CNTNAP2: variants seen among roughly 807,000 people sequenced by gnomAD.
CNTNAP2 encodes contactin-associated protein-like 2.
CNTNAP2 carries 98 observed loss-of-function variants against 155.2 expected under a neutral mutation model. That is an observed-to-expected ratio of 0.63 (90% confidence interval 0.54 to 0.75). The LOEUF (loss-of-function observed/expected upper bound fraction) is 0.75, where lower values mean the gene tolerates loss of function less well. Among genes scored for constraint, CNTNAP2 ranks in the 30% least tolerant of loss-of-function variants. CNTNAP2 has a pLI of 0.00. For synonymous variants in CNTNAP2, 651 were observed against 631.2 expected, an observed-to-expected ratio of 1.03 and a Z score of -0.47; for missense variants, 1,727 against 1,688.1, an observed-to-expected ratio of 1.02 and a Z score of -0.40.
At chr7:147,828,104 A>G (rs997164312) in intron 13 of CNTNAP2, among the ~76,000 whole-genome samples, 1 of 152,180 alleles carries the variant, frequency 6.6e-6, no homozygotes, top group African/African-American at 2.4e-5. Context: ...AAGGGGGAAG[A>G]AATGGGTGAA....
chr7:147,395,493 G>T lies in CNTNAP2; in HGVS notation c.1499-116G>T, dbSNP rs553017899. 2.2e-4 allele frequency: 221 copies of T among 1,010,240 alleles called. 1 individual carries two copies. The South Asian group carries it at 2.3e-3, about 11-fold the overall frequency. The allele number at this position is 1,010,240 out of a possible 1,614,324, so 62.6% of individuals were successfully genotyped here. ...CTACACTGAATATAACATCAGCAAG[G>T]ATTAAAGAAACAGTAGTTGGATGTG... On this transcript the variant is annotated intron_variant, in intron 9 of 23. Coordinates refer to ENST00000361727, the MANE Select transcript of CNTNAP2 (RefSeq NM_014141.6).
At chr7:147,016,008 T>A (rs540968438) in intron 3 of CNTNAP2, among the ~76,000 whole-genome samples, 2 of 152,148 alleles carry the variant, frequency 1.3e-5, no homozygotes, top group Non-Finnish European at 2.9e-5. Flanking sequence ...CTGCTTTAAC[T>A]GAGTACTTTA....
intron 1 of CNTNAP2, among the ~76,000 whole-genome samples, chr7:146,263,921 T>C (rs1006691781): frequency 6.6e-6 from 1 of 152,266 alleles, no homozygotes; most frequent in Non-Finnish European, 1.5e-5. Flanking sequence ...AATTTACTTA[T>C]AGAGAAAGTG....
At chr7:148,009,623 T>G (rs893854256) in intron 15 of CNTNAP2, among the ~76,000 whole-genome samples, 1 of 152,110 alleles carries the variant, frequency 6.6e-6, no homozygotes, top group Non-Finnish European at 1.5e-5. Context: ...AAGGACTGCC[T>G]CTTTGTGTGT....
intron 1 of CNTNAP2, among the ~76,000 whole-genome samples, chr7:146,459,308 A>C (rs567680419): frequency 6.6e-6 from 1 of 152,010 alleles, no homozygotes; most frequent in South Asian, 2.1e-4. Context: ...GCATTTTAAG[A>C]ATACGAATTT....
At chr7:147,582,602 G>A (rs1800524513) in intron 12 of CNTNAP2, among the ~76,000 whole-genome samples, 1 of 152,066 alleles carries the variant, frequency 6.6e-6, no homozygotes, top group Non-Finnish European at 1.5e-5. Flanking sequence ...CAGATATTTA[G>A]TAGTAAAGAA....
chr7:146,661,859 T>C (rs1800095736), intron 1 of CNTNAP2, among the ~76,000 whole-genome samples: 1 of 152,146 alleles, frequency 6.6e-6, no homozygotes. Context: ...ATGTTCATTT[T>C]TGTATGTTTA....
At chr7:148,134,261 A>AT (rs1445922449) in intron 16 of CNTNAP2, among the ~76,000 whole-genome samples, 3 of 152,236 alleles carry the variant, frequency 2.0e-5, no homozygotes, top group Non-Finnish European at 4.4e-5. Flanking sequence ...GATATTTAGT[A>AT]TTCTACAGAG....
chr7:146,541,816 C>A (rs560892979), intron 1 of CNTNAP2, among the ~76,000 whole-genome samples: 2 of 152,022 alleles, frequency 1.3e-5, no homozygotes, highest in Admixed American at 6.6e-5. Context: ...TGCAAGTAAC[C>A]TTTTCACCAG....
At chr7:146,833,801 G>A (rs1419239494) in intron 2 of CNTNAP2, among the ~76,000 whole-genome samples, 3 of 152,092 alleles carry the variant, frequency 2.0e-5, no homozygotes, top group East Asian at 1.9e-4. Flanking sequence ...CCCCAGATCC[G>A]GACTCTGTCT....
chr7:147,272,599 C>T (rs1018797397), intron 8 of CNTNAP2, among the ~76,000 whole-genome samples: 11 of 151,874 alleles, frequency 7.2e-5, no homozygotes, highest in African/African-American at 1.2e-4. Flanking sequence ...CCCGGGTTCA[C>T]GCCATTCTCC....
intron 1 of CNTNAP2, among the ~76,000 whole-genome samples, chr7:146,414,554 T>C (rs1795910315): frequency 6.6e-6 from 1 of 152,170 alleles, no homozygotes; most frequent in Admixed American, 6.5e-5. Context: ...CTGCCTACTG[T>C]GTTATCCCTG....
At chr7:147,964,286 C>T (rs1337687377) in intron 14 of CNTNAP2, among the ~76,000 whole-genome samples, 9 of 152,118 alleles carry the variant, frequency 5.9e-5, no homozygotes, top group African/African-American at 9.7e-5. Flanking sequence ...ATATAAATGT[C>T]GTCTAAGCCA....
At chr7:147,705,620 A>G (rs1796298456) in intron 13 of CNTNAP2, among the ~76,000 whole-genome samples, 1 of 152,136 alleles carries the variant, frequency 6.6e-6, no homozygotes, top group Non-Finnish European at 1.5e-5. Flanking sequence ...TTATCTGTCT[A>G]GATGATTTGT....
chr7:147,959,009 CT>C (rs1409139832), intron 14 of CNTNAP2, among the ~76,000 whole-genome samples: 7 of 152,278 alleles, frequency 4.6e-5, no homozygotes, highest in African/African-American at 1.7e-4. Flanking sequence ...AAAGGCTCCA[CT>C]TTTTATTAAA....
intron 13 of CNTNAP2, among the ~76,000 whole-genome samples, chr7:147,712,743 A>T (rs1033455007): frequency 6.6e-6 from 1 of 152,142 alleles, no homozygotes; most frequent in Non-Finnish European, 1.5e-5. Flanking sequence ...GGGGCCTGTC[A>T]TGGGGTGGTG....
At chr7:147,885,825 G>A (rs1322279744) in intron 13 of CNTNAP2, among the ~76,000 whole-genome samples, 2 of 152,266 alleles carry the variant, frequency 1.3e-5, no homozygotes, top group African/African-American at 4.8e-5. Flanking sequence ...GTGTCCAGGT[G>A]GAACTCCCAG....
intron 3 of CNTNAP2, among the ~76,000 whole-genome samples, chr7:146,981,462 C>T (rs1407186390): frequency 6.6e-6 from 1 of 152,156 alleles, no homozygotes; most frequent in Non-Finnish European, 1.5e-5. Context: ...TTAGCTCAAA[C>T]TGTGCTGCTG....
intron 19 of CNTNAP2, among the ~76,000 whole-genome samples, chr7:148,220,150 C>T (rs535709085): frequency 6.6e-6 from 1 of 152,294 alleles, no homozygotes; most frequent in African/African-American, 2.4e-5. Flanking sequence ...TCGCCCAGGC[C>T]GGAGTGCAGT....
Sources: allele counts gnomAD v4.1 joint callset (sites outside exome capture counted in the v4.1 genomes callset), GRCh38; gene constraint gnomAD v4.1.1; transcripts MANE v1.5; gene names NCBI Gene and HGNC (gene_info 2026-07-23, HGNC 2026-07-21).